The following CERKL variants were observed in gnomAD, a reference collection of about 807,000 sequenced individuals.
CERKL encodes the protein ceramide kinase-like protein.
A neutral mutation model predicts 63.4 loss-of-function variants in CERKL; 61 were observed. That is an observed-to-expected ratio of 0.96 (90% CI 0.78 to 1.19). CERKL has a LOEUF of 1.19. Among genes scored for constraint, CERKL ranks in the 50% most tolerant of loss-of-function variants. The pLI is 0.00. For missense variants in CERKL, 675 were observed against 655.5 expected, an observed-to-expected ratio of 1.03 and a Z score of -0.33; for synonymous variants, 250 against 230.5, an observed-to-expected ratio of 1.08 and a Z score of -0.77.
intron 5 of CERKL, among the ~76,000 whole-genome samples, chr2:181,553,453 A>G (rs956358738): frequency 4.1e-4 from 63 of 152,204 alleles, no homozygotes; most frequent in African/African-American, 1.5e-3. Flanking sequence ...CCGTAAAAGC[A>G]TTCCTCTAGA....
chr2:181,654,558 C>A (rs1688074333), intron 1 of CERKL, among the ~76,000 whole-genome samples: 1 of 152,138 alleles, frequency 6.6e-6, no homozygotes, highest in South Asian at 2.1e-4. Flanking sequence ...CACCCTCATC[C>A]TTTTCTGAGG....
rs1421052591 is a variant in CERKL, at chr2:181,558,839, C to T, written c.678-131G>A. On this transcript the variant is annotated intron_variant, in intron 4 of 12. Transcript: ENST00000410087. The surrounding 1 kb of genome is among the most constrained non-coding windows in gnomAD (Gnocchi z 4.2). ...ATAACTGCTCACATGTACCTTTAAA[C>T]ATGTTAATATGTGTCAATGGGTAAG... The T allele has an allele frequency of 1.2e-6, 1 of 866,306 alleles. No individual in the cohort carries two copies. The highest frequency in any genetic ancestry group is 1.9e-6 in the Non-Finnish European group (1 of 535,042). The allele number at this position is 866,306 out of a possible 1,614,324, so 53.7% of individuals were successfully genotyped here. A position where few individuals can be genotyped will look rare whatever the true frequency, so the allele number is the denominator to read the frequency against.
At chr2:181,646,422 G>A (rs578228527) in intron 1 of CERKL, among the ~76,000 whole-genome samples, 84 of 152,348 alleles carry the variant, frequency 5.5e-4, no homozygotes, top group African/African-American at 1.8e-3. Flanking sequence ...CATTCTGACA[G>A]CTGATGCTGA....
At chr2:181,556,041 T>C (rs1230368487) in intron 5 of CERKL, among the ~76,000 whole-genome samples, 5 of 152,040 alleles carry the variant, frequency 3.3e-5, no homozygotes, top group Non-Finnish European at 7.4e-5. Flanking sequence ...TATAAGCCAC[T>C]GCACCCGGCC....
chr2:181,644,649 C>A (rs1315711221), intron 1 of CERKL, among the ~76,000 whole-genome samples: 2 of 152,040 alleles, frequency 1.3e-5, no homozygotes, highest in Non-Finnish European at 2.9e-5. Context: ...CGATAGAAAT[C>A]CTGGAATAAC....
chr2:181,579,541 T>C (rs1468151942), intron 2 of CERKL, among the ~76,000 whole-genome samples: 1 of 151,936 alleles, frequency 6.6e-6, no homozygotes, highest in East Asian at 1.9e-4. Context: ...CAAATGCTTT[T>C]CCTAGTGTGT....
At chr2:181,651,746 G>A (rs1218032477) in intron 1 of CERKL, among the ~76,000 whole-genome samples, 52 of 150,070 alleles carry the variant, frequency 3.5e-4, no homozygotes, top group Admixed American at 3.4e-3. Context: ...GTTTGCAGAA[G>A]ATATGATCTT....
At chr2:181,629,378 A>G (rs1686851520) in intron 1 of CERKL, among the ~76,000 whole-genome samples, 1 of 152,176 alleles carries the variant, frequency 6.6e-6, no homozygotes, top group Non-Finnish European at 1.5e-5. Flanking sequence ...TGTAGTAGGA[A>G]AGTAAATGCT....
At chr2:181,624,531 AAAAC>A (rs1686599770) in intron 1 of CERKL, among the ~76,000 whole-genome samples, 1 of 152,190 alleles carries the variant, frequency 6.6e-6, no homozygotes. Context: ...ACCCAATCTT[AAAAC>A]AAACAAAAAC....
At chr2:181,573,392 T>A (rs1431102660) in intron 3 of CERKL, among the ~76,000 whole-genome samples, 1 of 152,094 alleles carries the variant, frequency 6.6e-6, no homozygotes, top group Non-Finnish European at 1.5e-5. Context: ...TGGAAAGACA[T>A]CAACTATATA....
chr2:181,545,770 T>C (rs1032960611), intron 10 of CERKL, among the ~76,000 whole-genome samples: 2 of 152,216 alleles, frequency 1.3e-5, no homozygotes, highest in Non-Finnish European at 2.9e-5. Flanking sequence ...ACGTTCATGG[T>C]AGTGTTACTG....
At chr2:181,538,950 G>A in intron 12 of CERKL, 142 bp downstream of exon 12, 1 of 669,776 alleles carries the variant, frequency 1.5e-6, no homozygotes, top group Non-Finnish European at 2.6e-6. Flanking sequence ...ATTTGTGCAT[G>A]TCTCTTTATG....
chr2:181,540,301 C>T (rs894371291), intron 11 of CERKL, among the ~76,000 whole-genome samples: 1 of 152,166 alleles, frequency 6.6e-6, no homozygotes, highest in Non-Finnish European at 1.5e-5. Context: ...CATGCCTCAT[C>T]CTTGTAGAAT....
At chr2:181,590,394 C>G (rs1684944004) in intron 2 of CERKL, among the ~76,000 whole-genome samples, 1 of 151,880 alleles carries the variant, frequency 6.6e-6, no homozygotes, top group South Asian at 2.1e-4. Flanking sequence ...CCCACCTCAG[C>G]CTTCCAAAGT....
chr2:181,631,856 G>A (rs994554006), intron 1 of CERKL, among the ~76,000 whole-genome samples: 17 of 152,112 alleles, frequency 1.1e-4, no homozygotes, highest in African/African-American at 3.9e-4. Context: ...GTCACATTTT[G>A]CTTTTCCCTA....
chr2:181,555,610 G>C (rs1239337381), intron 5 of CERKL, among the ~76,000 whole-genome samples: 10 of 151,718 alleles, frequency 6.6e-5, no homozygotes, highest in Non-Finnish European at 1.5e-4. Flanking sequence ...AATGAATAGG[G>C]TTATCAAAAT....
chr2:181,654,985 T>G (rs1274565093), intron 1 of CERKL, among the ~76,000 whole-genome samples: 2 of 152,152 alleles, frequency 1.3e-5, no homozygotes, highest in African/African-American at 2.4e-5. Flanking sequence ...GTTTCTTCCA[T>G]AAACAGAAGT....
chr2:181,537,170 G>A lies in CERKL; in HGVS notation c.*1014C>T, dbSNP rs1239276675. On this transcript the variant is annotated 3_prime_UTR_variant, in exon 13 of 13. Coordinates refer to ENST00000410087, the MANE Select transcript of CERKL (RefSeq NM_201548.5). ...AAAAAGGCTAGTCATTCTTTCAGGAGAACATCTAGGATCATAGATGAAAAA... is the reference window on the plus strand; with the variant it reads ...AAAAAGGCTAGTCATTCTTTCAGGAAAACATCTAGGATCATAGATGAAAAA... 2.2e-6 allele frequency: 1 copy of A among 453,858 alleles called. No homozygotes were observed. Among genetic ancestry groups the A allele is most frequent in the Non-Finnish European group, 4.4e-6 (1 of 226,656 alleles). The allele number at this position is 453,858 out of a possible 1,614,324, so 28.1% of individuals were successfully genotyped here.
intron 2 of CERKL, among the ~76,000 whole-genome samples, chr2:181,590,818 G>A (rs2368202): frequency 3.3e-5 from 5 of 152,232 alleles, no homozygotes; most frequent in African/African-American, 1.2e-4. Flanking sequence ...GCTGTTATAC[G>A]TTGCTGGTAA....
Sources: gnomAD v4.1 joint callset for allele counts (sites outside exome capture counted in the v4.1 genomes callset) on GRCh38, gnomAD v4.1.1 for gene constraint, Gnocchi (gnomAD v3.1) non-coding constraint, MANE v1.5 for transcripts, NCBI Gene and HGNC (gene_info 2026-07-23, HGNC 2026-07-21) for gene names.